Variants in CELSR1 observed in about 807,000 individuals in gnomAD.
The protein encoded by CELSR1 is cadherin EGF LAG seven-pass G-type receptor 1.
A neutral mutation model predicts 249.1 loss-of-function variants in CELSR1; 110 were observed. The ratio of observed to expected loss-of-function variants is 0.44; its 90% CI spans 0.38 to 0.52. The LOEUF is 0.52. Among genes scored for constraint, CELSR1 ranks in the 20% least tolerant of loss-of-function variants. The pLI, the probability that CELSR1 is intolerant of heterozygous loss-of-function variation, is 0.00. For synonymous variants in CELSR1, 2,113 were observed against 1,900.0 expected (o/e 1.11, Z -2.92); for missense variants, 4,109 against 4,296.4 (o/e 0.96, Z 1.22).
chr22:46,463,954 G>A lies in CELSR1; in HGVS notation c.3936C>T (p.Cys1312=), dbSNP rs1162363566. Residue 1312 remains cysteine (C), a synonymous_variant, in exon 2 of 35, where the codon TGC becomes TGT. Coordinates refer to ENST00000674500, the MANE Select transcript of CELSR1 (RefSeq NM_001378328.1). ...FDDNICLREP[C]ENYMKCVSVL... Reference sequence around the variant, plus strand: ...CGGACACGCACTTCATGTAGTTCTCGCAGGGCTCGCGCAGGCAGATGTTGT... The same window carrying A: ...CGGACACGCACTTCATGTAGTTCTCACAGGGCTCGCGCAGGCAGATGTTGT... 22 of 1,613,884 alleles carry A rather than the reference G, an allele frequency of 1.4e-5. No homozygotes were observed. Among genetic ancestry groups the A allele is most frequent in the African/African-American group, 1.3e-4 (10 of 74,944 alleles).
Position 46,411,636 on chromosome 22 carries a change from A to C in CELSR1, c.4735T>G (p.Cys1579Gly). Residue 1579 changes from cysteine to glycine, a missense_variant, in exon 6 of 35, where the codon TGC (cysteine) becomes GGC (glycine). This residue lies in a region of CELSR1 where 453 missense variants were observed against 492.0 expected (regional missense o/e 0.92). Coordinates refer to ENST00000674500, the MANE Select transcript of CELSR1 (RefSeq NM_001378328.1). The surrounding 1 kb of genome is among the most constrained non-coding windows in gnomAD (Gnocchi z 4.2). ...CCGGTCTGAGTGCCCTGGGCAGCGC[A>C]GCTGTAGTTCCCGATGTCCTTTCCA... is the stretch of plus-strand genomic sequence containing the variant. ...RFGKDIGNYS[C>G]AAQGTQTGSK... 1 of 1,614,196 alleles carries C rather than the reference A, an allele frequency of 6.2e-7. No individual in the cohort carries two copies. Among genetic ancestry groups the C allele is most frequent in the African/African-American group, 1.3e-5 (1 of 75,066 alleles).
chr22:46,379,277 G>GC (rs1054410189), intron 22 of CELSR1, among the ~76,000 whole-genome samples: 5 of 152,206 alleles, frequency 3.3e-5, no homozygotes, highest in South Asian at 2.1e-4. Flanking sequence ...CTGATGGGAA[G>GC]CCCCAAATAA....
chr22:46,388,368 G>T (rs1301801794), intron 18 of CELSR1, among the ~76,000 whole-genome samples: 1 of 151,826 alleles, frequency 6.6e-6, no homozygotes, highest in Non-Finnish European at 1.5e-5. Flanking sequence ...AAGAAATAAA[G>T]AAAAAGAAAC....
chr22:46,461,800 G>A (rs1461110295), intron 2 of CELSR1, among the ~76,000 whole-genome samples: 1 of 152,250 alleles, frequency 6.6e-6, no homozygotes, highest in Non-Finnish European at 1.5e-5. Context: ...TTCTTCATCT[G>A]AAGCAGGGAA....
intron 14 of CELSR1, among the ~76,000 whole-genome samples, chr22:46,392,160 G>A (rs1602068555): frequency 6.6e-6 from 1 of 152,248 alleles, no homozygotes; most frequent in East Asian, 1.9e-4. Context: ...TTTTTTTAAA[G>A]TTGTTTTGAA....
At chr22:46,461,754 G>T (rs952172300) in intron 2 of CELSR1, among the ~76,000 whole-genome samples, 1 of 152,190 alleles carries the variant, frequency 6.6e-6, no homozygotes, top group South Asian at 2.1e-4. Flanking sequence ...TCTTGGGAGC[G>T]TAACAGGCCC....
chr22:46,364,127 G>A lies in CELSR1; in HGVS notation c.8904C>T (p.Ser2968=), dbSNP rs773372782. Residue 2968 remains serine (S), a synonymous_variant, in exon 34 of 35, where the codon TCC becomes TCT. Coordinates refer to ENST00000674500, the MANE Select transcript of CELSR1 (RefSeq NM_001378328.1). ...EQSPTSSRTS[S]LGSGGPDCAI... ...CGCAGTCGGGGCCGCCAGAGCCCAGGGAAGACGTGCGCGAGGATGTGGGGC... is the reference window on the plus strand; with the variant it reads ...CGCAGTCGGGGCCGCCAGAGCCCAGAGAAGACGTGCGCGAGGATGTGGGGC... 3.4e-5 allele frequency: 55 copies of A among 1,612,200 alleles called. No individual in the cohort carries two copies. Among genetic ancestry groups the A allele is most frequent in the Non-Finnish European group, 4.5e-5 (53 of 1,179,706 alleles).
chr22:46,409,850 C>G lies in CELSR1; in HGVS notation c.4964G>C (p.Gly1655Ala), dbSNP rs141856382. Residue 1655 changes from glycine to alanine, a missense_variant, in exon 8 of 35, where the codon GGG becomes GCG. This residue lies in a region of CELSR1 where 453 missense variants were observed against 492.0 expected (regional missense o/e 0.92). Coordinates refer to ENST00000674500, the MANE Select transcript of CELSR1 (RefSeq NM_001378328.1). The surrounding 1 kb of genome is among the most constrained non-coding windows in gnomAD (Gnocchi z 9.8). ...GGTGCCTCCATTCTGACACCGCCTC[C>G]CATCGCAGAAGTTCCTCCGAGCAGC... is the stretch of plus-strand genomic sequence containing the variant. ...GCAARRNFCD[G>A]RRCQNGGTCV... The G allele has an allele frequency of 1.2e-5, 19 of 1,613,670 alleles. No individual in the cohort carries two copies. The African/African-American group carries it at 2.1e-4, about 18-fold the overall frequency.
At chr22:46,425,896 G>A (rs550935372) in intron 5 of CELSR1, among the ~76,000 whole-genome samples, 8 of 152,314 alleles carry the variant, frequency 5.3e-5, no homozygotes, top group Non-Finnish European at 1.0e-4. Flanking sequence ...CTTTTCTAAT[G>A]TAAGTATTTA....
chr22:46,371,260 G>A (rs1002099655), intron 25 of CELSR1, among the ~76,000 whole-genome samples: 11 of 152,086 alleles, frequency 7.2e-5, no homozygotes, highest in East Asian at 1.9e-4. Flanking sequence ...GGTCAGTGAC[G>A]TTGCTGTGGA....
At chr22:46,394,958 G>T (rs2079132117) in intron 13 of CELSR1, among the ~76,000 whole-genome samples, 1 of 152,188 alleles carries the variant, frequency 6.6e-6, no homozygotes, top group African/African-American at 2.4e-5. Context: ...GGCTGCACCT[G>T]CGCAGTCACC....
intron 1 of CELSR1, among the ~76,000 whole-genome samples, chr22:46,489,258 T>TC (rs900193750): frequency 6.6e-6 from 1 of 151,854 alleles, no homozygotes; most frequent in African/African-American, 2.4e-5. Flanking sequence ...CTGGTCATTG[T>TC]CCTGGGGCAC....
At position 46,415,432 on chromosome 22, in the gene CELSR1, G is replaced by A. The variant is rs142511000; in HGVS notation, c.4612-3673C>T. The stretch of plus-strand genomic sequence containing the variant: ...CCCGAAGTGCTGGGATTACAGGCAT[G>A]AGCCACCGTACCATCCAGCCTGGGT... On this transcript the variant is annotated intron_variant, in intron 5 of 34. Transcript: ENST00000674500. 1.1e-4 allele frequency among the ~76,000 whole-genome samples: 17 copies of A among 152,286 alleles called. No homozygotes were observed. The East Asian group carries it at 2.9e-3, about 26-fold the overall frequency.
intron 5 of CELSR1, among the ~76,000 whole-genome samples, chr22:46,421,378 G>A (rs2079470447): frequency 1.3e-5 from 2 of 152,182 alleles, no homozygotes; most frequent in South Asian, 4.1e-4. Context: ...AGCAACCTCA[G>A]CCGGGCGTGA....
At chr22:46,503,284 C>A (rs2080483674) in intron 1 of CELSR1, among the ~76,000 whole-genome samples, 1 of 152,180 alleles carries the variant, frequency 6.6e-6, no homozygotes, top group South Asian at 2.1e-4. Flanking sequence ...GGAGATTCAG[C>A]CTCTGCTTCC....
chr22:46,366,341 G>A lies in CELSR1; in HGVS notation c.8300+45C>T, dbSNP rs779627756. The stretch of plus-strand genomic sequence containing the variant: ...TTGGGGTGGCAGGGGCAAAACCTGA[G>A]GGAGTTCGAGAGCCACCTCCCCGAA... On this transcript the variant is annotated intron_variant, in intron 30 of 34. Coordinates refer to ENST00000674500, the MANE Select transcript of CELSR1 (RefSeq NM_001378328.1). The A allele has an allele frequency of 1.0e-5, 15 of 1,495,216 alleles. No individual in the cohort carries two copies. The African/African-American group carries it at 1.3e-4, about 13-fold the overall frequency. 92.6% of individuals were successfully genotyped at this position (1,495,216 alleles called of 1,614,324 possible).
intron 1 of CELSR1, among the ~76,000 whole-genome samples, chr22:46,503,259 G>A (rs921907850): frequency 2.0e-5 from 3 of 152,278 alleles, no homozygotes; most frequent in African/African-American, 4.8e-5. Flanking sequence ...CAGGAGGGCA[G>A]CAGACCCTTT....
chr22:46,497,584 G>T (rs191940401), intron 1 of CELSR1, among the ~76,000 whole-genome samples: 85 of 152,286 alleles, frequency 5.6e-4, no homozygotes, highest in South Asian at 3.7e-3. Flanking sequence ...TCTTCTTTTA[G>T]AAGGACTTGC....
chr22:46,416,976 G>C (rs1000289649), intron 5 of CELSR1, among the ~76,000 whole-genome samples: 5 of 151,250 alleles, frequency 3.3e-5, no homozygotes, highest in African/African-American at 9.7e-5. Context: ...AAGGCGGTGT[G>C]GGGGGGTGGG....
Sources: allele counts gnomAD v4.1 joint callset (sites outside exome capture counted in the v4.1 genomes callset), GRCh38; gene constraint gnomAD v4.1.1; regional missense constraint gnomAD v4.1.1; non-coding constraint Gnocchi (gnomAD v3.1); transcripts MANE v1.5; gene names NCBI Gene and HGNC (gene_info 2026-07-23, HGNC 2026-07-21).